The following LHX5 variants were observed in gnomAD, a reference collection of about 807,000 sequenced individuals.
The protein encoded by LHX5 is LIM/homeobox protein Lhx5.
LHX5 carries 5 observed loss-of-function variants against 30.6 expected under a neutral mutation model. The observed-to-expected ratio is 0.16, with a 90% CI of 0.09 to 0.34. LHX5 has a LOEUF of 0.34. Among genes scored for constraint, LHX5 ranks in the 10% least tolerant of loss-of-function variants. The probability of loss-of-function intolerance (pLI) is 1.00; values close to 1 mark genes in which losing one functional copy is unlikely to be tolerated. For synonymous variants in LHX5, 266 were observed against 252.6 expected, an observed-to-expected ratio of 1.05 and a Z score of -0.50; for missense variants, 458 against 570.6, an observed-to-expected ratio of 0.80 and a Z score of 2.01.
chr12:113,468,092 C>T (rs765371607), intron 3 of LHX5, 35 bp downstream of exon 3: 1 of 1,481,296 alleles, frequency 6.8e-7, no homozygotes. Context: ...CCCAGGCCAG[C>T]GGGGCTAAGG....
At position 113,471,729 on chromosome 12, in the gene LHX5, C is replaced by A; in HGVS notation, c.-231G>T. The A allele has an allele frequency of 2.1e-6, 1 of 479,466 alleles. No homozygotes were observed. The highest frequency in any genetic ancestry group is 3.7e-6 in the Non-Finnish European group (1 of 273,850). 29.7% of individuals were successfully genotyped at this position (479,466 alleles called of 1,614,324 possible). Reference sequence around the variant, plus strand: ...GGCGTTCACAACCTCATGCCACGGGCCGCACGCCCCGGCGCCTGTTCCGGG... The same window carrying A: ...GGCGTTCACAACCTCATGCCACGGGACGCACGCCCCGGCGCCTGTTCCGGG... On this transcript the variant is annotated 5_prime_UTR_variant, in exon 1 of 5. Coordinates refer to ENST00000261731, the MANE Select transcript of LHX5 (RefSeq NM_022363.3).
At position 113,468,160 on chromosome 12, in the gene LHX5, C is replaced by T. The variant is rs759181870; in HGVS notation, c.642G>A (p.Ala214=). 8 of 1,607,766 alleles carry T rather than the reference C, an allele frequency of 5.0e-6. No homozygotes were observed. The highest frequency in any genetic ancestry group is 1.3e-5 in the African/African-American group (1 of 74,838). Residue 214 remains alanine, a synonymous_variant, in exon 3 of 5, where the codon GCG becomes GCA. Transcript: ENST00000261731. ...KPTRHIREQL[A]QETGLNMRVI... ...CGCGCATGTTGAGGCCGGTCTCCTGCGCCAGCTGCTCGCGGATGTGGCGCG... is the reference window on the plus strand; with the variant it reads ...CGCGCATGTTGAGGCCGGTCTCCTGTGCCAGCTGCTCGCGGATGTGGCGCG...
rs941197085 is a variant in LHX5 at position 113,462,676 on chromosome 12, C to T, written c.*514G>A. ...TCTCCATCTCCTCCTCATCTTGCCC[C>T]CTTTCCTCTCCCTCTCTTTCAATCT... is the stretch of plus-strand genomic sequence containing the variant. On this transcript the variant is annotated 3_prime_UTR_variant, in exon 5 of 5. Transcript: ENST00000261731. The T allele has an allele frequency of 2.6e-5, 4 of 152,366 alleles. No homozygotes were observed. Among genetic ancestry groups the T allele is most frequent in the African/African-American group, 7.2e-5 (3 of 41,552 alleles). 9.4% of individuals were successfully genotyped at this position (152,366 alleles called of 1,614,324 possible).
intron 1 of LHX5, among the ~76,000 whole-genome samples, chr12:113,470,909 G>A (rs1481605214): frequency 6.6e-6 from 1 of 152,236 alleles, no homozygotes; most frequent in African/African-American, 2.4e-5. Flanking sequence ...GATTGCGGCC[G>A]ATGGGCTCAC....
rs1958211962 is a variant in LHX5 at position 113,465,848 on chromosome 12, G to C, written c.841+1408C>G. Among the ~76,000 whole-genome samples, 1 of 151,886 alleles carries C rather than the reference G, an allele frequency of 6.6e-6. No homozygotes were observed. The highest frequency in any genetic ancestry group is 2.4e-5 in the African/African-American group (1 of 41,360). On this transcript the variant is annotated intron_variant, in intron 4 of 4. Transcript: ENST00000261731. This position sits in a 1 kb window ranked among gnomAD's most constrained non-coding sequence, Gnocchi z 6.7. ...ACGCCCACCATCCGGGCTCTCCAGG[G>C]TTGGGGGTCTGTCCGGGGTTGGGGG...
Position 113,471,591 on chromosome 12 carries a change from G to T in LHX5, c.-93C>A. ...GGCCCTCCGCTGCCCTTCGCCTCTT[G>T]TCTCAGCAGCTGCAGGGCGAGTCTG... On this transcript the variant is annotated 5_prime_UTR_variant, in exon 1 of 5. Transcript: ENST00000261731. The T allele has an allele frequency of 8.1e-7, 1 of 1,241,608 alleles. No individual in the cohort carries two copies. The highest frequency in any genetic ancestry group is 1.1e-6 in the Non-Finnish European group (1 of 901,458). The allele number at this position is 1,241,608 out of a possible 1,614,324, so 76.9% of individuals were successfully genotyped here. A position where few individuals can be genotyped will look rare whatever the true frequency, so the allele number is the denominator to read the frequency against.
chr12:113,467,471 C>T lies in LHX5; in HGVS notation c.676-50G>A, dbSNP rs985090119. 5 of 1,386,174 alleles carry T rather than the reference C, an allele frequency of 3.6e-6. No homozygotes were observed. The highest frequency in any genetic ancestry group is 3.9e-4 in the Middle Eastern group (2 of 5,148). The allele number at this position is 1,386,174 out of a possible 1,614,324, so 85.9% of individuals were successfully genotyped here. On this transcript the variant is annotated intron_variant, in intron 3 of 4. Coordinates refer to ENST00000261731, the MANE Select transcript of LHX5 (RefSeq NM_022363.3). This position sits in a 1 kb window ranked among gnomAD's most constrained non-coding sequence, Gnocchi z 6.3. ...ACCCAGGATCAGGAGTGTCCTCTCC[C>T]CCCCTCTTCTCCCTTCCCTGACTGG...
At position 113,463,157 on chromosome 12, in the gene LHX5, CG is replaced by C; in HGVS notation, c.*32del. On this transcript the variant is annotated 3_prime_UTR_variant, in exon 5 of 5. Coordinates refer to ENST00000261731, the MANE Select transcript of LHX5 (RefSeq NM_022363.3). This position sits in a 1 kb window ranked among gnomAD's most constrained non-coding sequence, Gnocchi z 6.7. ...GGAGGCTGCTTCGGGGCGGGGCCCCCGGGGGCCGAGCGCGGGGGGCGGCCCG... is the reference window on the plus strand; with the variant it reads ...GGAGGCTGCTTCGGGGCGGGGCCCCCGGGGCCGAGCGCGGGGGGCGGCCCG... 3 of 1,466,602 alleles carry C rather than the reference CG, an allele frequency of 2.0e-6. No homozygotes were observed. Among genetic ancestry groups the C allele is most frequent in the Admixed American group, 2.5e-5 (1 of 39,696 alleles). The allele number at this position is 1,466,602 out of a possible 1,614,324, so 90.8% of individuals were successfully genotyped here. A position where few individuals can be genotyped will look rare whatever the true frequency, so the allele number is the denominator to read the frequency against.
rs758652154 is a variant in LHX5 at position 113,471,295 on chromosome 12, G to A, written c.173+31C>T. 30 of 1,609,418 alleles carry A rather than the reference G, an allele frequency of 1.9e-5. 1 individual carries two copies. In the East Asian group the frequency reaches 6.7e-4, roughly 36 times the overall value. ...CCAGTGGAGCGCGCGCAGGGTGGGC[G>A]CGCAGGCAGCAGAGCGGCGCGGCCT... On this transcript the variant is annotated intron_variant, in intron 1 of 4. Coordinates refer to ENST00000261731, the MANE Select transcript of LHX5 (RefSeq NM_022363.3).
rs537740263 is a variant in LHX5 at position 113,464,371 on chromosome 12, G to A, written c.842-814C>T. Among the ~76,000 whole-genome samples, 2 of 152,312 alleles carry A rather than the reference G, an allele frequency of 1.3e-5. No individual in the cohort carries two copies. The highest frequency in any genetic ancestry group is 6.5e-5 in the Admixed American group (1 of 15,306). ...GTTGAGACCGGGAAGCGACCTGGCC[G>A]GGGGAAACTGGATCCGGGCCGCGGC... On this transcript the variant is annotated intron_variant, in intron 4 of 4. Transcript: ENST00000261731. The surrounding 1 kb of genome is among the most constrained non-coding windows in gnomAD (Gnocchi z 6.2).
Position 113,465,386 on chromosome 12 carries a change from A to C in LHX5, c.842-1829T>G, listed in dbSNP as rs1178843484. Among the ~76,000 whole-genome samples, 1 of 152,044 alleles carries C rather than the reference A, an allele frequency of 6.6e-6. No individual in the cohort carries two copies. Among genetic ancestry groups the C allele is most frequent in the African/African-American group, 2.4e-5 (1 of 41,400 alleles). On this transcript the variant is annotated intron_variant, in intron 4 of 4. Coordinates refer to ENST00000261731, the MANE Select transcript of LHX5 (RefSeq NM_022363.3). This position sits in a 1 kb window ranked among gnomAD's most constrained non-coding sequence, Gnocchi z 6.7. ...TCCGCCCATATGGCGGCCGGGCCGGAGGTAATTGGAACAAACGCCGTCTGA... is the reference window on the plus strand; with the variant it reads ...TCCGCCCATATGGCGGCCGGGCCGGCGGTAATTGGAACAAACGCCGTCTGA...
Position 113,469,278 on chromosome 12 carries a change from G to T in LHX5, c.241C>A (p.Arg81=), listed in dbSNP as rs1220969260. The T allele has an allele frequency of 6.2e-7, 1 of 1,614,080 alleles. No homozygotes were observed. The highest frequency in any genetic ancestry group is 1.7e-5 in the Admixed American group (1 of 60,014). ...CAGTTGAGGTGAAAGACTTTGCTCCGGGCCTTGCGCACCAGGTCGCTGGGC... is the reference window on the plus strand; with the variant it reads ...CAGTTGAGGTGAAAGACTTTGCTCCTGGCCTTGCGCACCAGGTCGCTGGGC... ...ISPSDLVRKA[R]SKVFHLNCFT... Residue 81 remains arginine (R), a synonymous_variant, in exon 2 of 5, where the codon CGG becomes AGG. Coordinates refer to ENST00000261731, the MANE Select transcript of LHX5 (RefSeq NM_022363.3).
intron 1 of LHX5, among the ~76,000 whole-genome samples, 155 bp from the exon 2 acceptor site, chr12:113,469,500 G>C (rs183742912): frequency 6.2e-4 from 95 of 152,364 alleles, no homozygotes; most frequent in African/African-American, 2.1e-3. Flanking sequence ...CAGAGTGGGA[G>C]AAGTGGGACA....
At chr12:113,471,294 C>A in intron 1 of LHX5, 32 bp downstream of exon 1, 1 of 1,608,516 alleles carries the variant, frequency 6.2e-7, no homozygotes. Context: ...GCAGGGTGGG[C>A]GCGCAGGCAG....
chr12:113,469,425 C>T, intron 1 of LHX5, 80 bp from the exon 2 acceptor site: 1 of 1,363,152 alleles, frequency 7.3e-7, no homozygotes, highest in Non-Finnish European at 1.0e-6. Flanking sequence ...CCCACCCGAC[C>T]TGGCTTCGGT....
At position 113,466,028 on chromosome 12, in the gene LHX5, C is replaced by T. The variant is rs557675979; in HGVS notation, c.841+1228G>A. 6.6e-6 allele frequency among the ~76,000 whole-genome samples: 1 copy of T among 152,308 alleles called. No homozygotes were observed. The highest frequency in any genetic ancestry group is 2.1e-4 in the South Asian group (1 of 4,824). On this transcript the variant is annotated intron_variant, in intron 4 of 4. Transcript: ENST00000261731. This position sits in a 1 kb window ranked among gnomAD's most constrained non-coding sequence, Gnocchi z 6.5. ...GGTCCGGTCTCAAGGTCTAATCCCCCCTCAGGCTTCCGGATGTGCTGAGGT... is the reference window on the plus strand; with the variant it reads ...GGTCCGGTCTCAAGGTCTAATCCCCTCTCAGGCTTCCGGATGTGCTGAGGT...
chr12:113,463,980 C>A lies in LHX5; in HGVS notation c.842-423G>T, dbSNP rs886447075. Among the ~76,000 whole-genome samples the A allele has an allele frequency of 5.9e-5, 9 of 151,982 alleles. No individual in the cohort carries two copies. Among genetic ancestry groups the A allele is most frequent in the African/African-American group, 1.9e-4 (8 of 41,364 alleles). ...AGGGTCGGTGAGAGACACAGAGATG[C>A]GGGACAGCGAGAGACAGACGGAGAG... is the stretch of plus-strand genomic sequence containing the variant. On this transcript the variant is annotated intron_variant, in intron 4 of 4. Coordinates refer to ENST00000261731, the MANE Select transcript of LHX5 (RefSeq NM_022363.3). This position sits in a 1 kb window ranked among gnomAD's most constrained non-coding sequence, Gnocchi z 6.7.
rs1217067631 is a variant in LHX5, at chr12:113,471,526, C to T, written c.-28G>A. 6.4e-7 allele frequency: 1 copy of T among 1,556,326 alleles called. No homozygotes were observed. Among genetic ancestry groups the T allele is most frequent in the East Asian group, 2.4e-5 (1 of 41,770 alleles). On this transcript the variant is annotated 5_prime_UTR_variant, in exon 1 of 5. Coordinates refer to ENST00000261731, the MANE Select transcript of LHX5 (RefSeq NM_022363.3). The stretch of plus-strand genomic sequence containing the variant: ...CCCCGCGCCCCGGCGGCTTCGGCCG[C>T]CTTGCCCTCCCTTTGGGCCCCTGGC...
intron 1 of LHX5, among the ~76,000 whole-genome samples, chr12:113,470,663 A>G (rs1485015755): frequency 6.6e-6 from 1 of 152,102 alleles, no homozygotes; most frequent in African/African-American, 2.4e-5. Context: ...AGGCCCAGAG[A>G]GGTGATCTGC....
Sources: allele counts gnomAD v4.1 joint callset (sites outside exome capture counted in the v4.1 genomes callset), GRCh38; gene constraint gnomAD v4.1.1; non-coding constraint Gnocchi (gnomAD v3.1); transcripts MANE v1.5; gene names NCBI Gene and HGNC (gene_info 2026-07-23, HGNC 2026-07-21).